Variants in NDRG2 observed in about 807,000 individuals in gnomAD.
NDRG2 encodes the protein protein NDRG2.
In NDRG2, 34 loss-of-function variants were observed where a neutral mutation model predicts 58.2. The ratio of observed to expected loss-of-function variants is 0.58; its 90% CI spans 0.44 to 0.78. The LOEUF is 0.78. Among genes scored for constraint, NDRG2 ranks in the 30% least tolerant of loss-of-function variants. The pLI is 0.00. For synonymous variants in NDRG2, 187 were observed against 175.9 expected (o/e 1.06, Z -0.50); for missense variants, 434 against 471.2 (o/e 0.92, Z 0.73).
chr14:21,060,980 G>T (rs1414762715), intron 1 of NDRG2, among the ~76,000 whole-genome samples: 1 of 152,188 alleles, frequency 6.6e-6, no homozygotes, highest in East Asian at 1.9e-4. Context: ...GCCTTGGAGG[G>T]GGCCGTGATT....
rs1243445 is a variant in NDRG2 at position 21,017,978 on chromosome 14, G to C, written c.949+9C>G. The C allele has an allele frequency of 0.98, 1,586,951 of 1,614,208 alleles. 780,128 individuals are homozygous for C. Among genetic ancestry groups the C allele is most frequent in the East Asian group, 1 (44,873 of 44,876 alleles). ...CTCTAGTGCAGCAAGCTCTTGTCCC[G>C]ATACTCACTGTAGCCCATGCCTTGC... On this transcript the variant is annotated intron_variant, in intron 15 of 15. Coordinates refer to ENST00000556147, the MANE Select transcript of NDRG2 (RefSeq NM_001320329.2).
At chr14:21,035,441 C>T (rs1461873766) in intron 1 of NDRG2, among the ~76,000 whole-genome samples, 1 of 152,200 alleles carries the variant, frequency 6.6e-6, no homozygotes, top group East Asian at 1.9e-4. Context: ...AACATCTTCC[C>T]TTTCATCAGA....
At chr14:21,018,927 G>A (rs890953738) in intron 11 of NDRG2, 113 bp from the exon 12 acceptor site, 29 of 1,400,954 alleles carry the variant, frequency 2.1e-5, no homozygotes, top group Non-Finnish European at 2.9e-5. Context: ...AGACACTTCT[G>A]TGTCTCCCTG....
intron 6 of NDRG2, chr14:21,021,407 C>T (rs572043960): frequency 2.7e-4 from 86 of 316,842 alleles, no homozygotes; most frequent in Non-Finnish European, 7.3e-5. Context: ...GTGTTCTCTT[C>T]CTTCCCCAAC....
chr14:21,020,615 C>T, intron 7 of NDRG2, 33 bp from the exon 8 acceptor site: 1 of 1,606,568 alleles, frequency 6.2e-7, no homozygotes, highest in Non-Finnish European at 8.5e-7. Context: ...AAATGAGAAA[C>T]AGGGCATGGC....
At chr14:21,061,478 G>A (rs1197118779) in intron 1 of NDRG2, among the ~76,000 whole-genome samples, 1 of 152,112 alleles carries the variant, frequency 6.6e-6, no homozygotes, top group African/African-American at 2.4e-5. Flanking sequence ...CACTCTGAGG[G>A]TAATGACACA....
At chr14:21,031,097 C>T (rs1349171151) in intron 1 of NDRG2, 1 of 1,614,130 alleles carries the variant, frequency 6.2e-7, no homozygotes, top group Admixed American at 1.7e-5. Context: ...AGGGAAGAGT[C>T]CAGATGAAGT....
At chr14:21,034,491 C>A (rs1884484166) in intron 1 of NDRG2, among the ~76,000 whole-genome samples, 1 of 152,194 alleles carries the variant, frequency 6.6e-6, no homozygotes, top group African/African-American at 2.4e-5. Flanking sequence ...CAGCCCTGCT[C>A]CCCTGGTCCA....
intron 1 of NDRG2, chr14:21,042,828 C>A (rs1480019413): frequency 1.3e-5 from 8 of 628,150 alleles, no homozygotes; most frequent in African/African-American, 9.2e-5. Context: ...TGTGGACACA[C>A]AGAAGAAGAG....
intron 1 of NDRG2, chr14:21,043,211 C>G: frequency 1.2e-6 from 2 of 1,614,182 alleles, no homozygotes; most frequent in Non-Finnish European, 8.5e-7. Flanking sequence ...CCTTCCTGCA[C>G]GAGCCTTTCT....
At chr14:21,059,406 G>A (rs916095204) in intron 1 of NDRG2, among the ~76,000 whole-genome samples, 3 of 151,850 alleles carry the variant, frequency 2.0e-5, no homozygotes, top group Non-Finnish European at 2.9e-5. Context: ...GAAAATACAA[G>A]CTCAATTGTT....
In NDRG2 at chr14:21,070,096, G is replaced by C. The variant is rs1886565227; in HGVS notation, c.24+732C>G. Among the ~76,000 whole-genome samples, 1 of 151,950 alleles carries C rather than the reference G, an allele frequency of 6.6e-6. No homozygotes were observed. Among genetic ancestry groups the C allele is most frequent in the Non-Finnish European group, 1.5e-5 (1 of 67,942 alleles). ...GAAGAAAGAAGGTTGCCGGTGAACG[G>C]GACGGATAGGCTGGGGACGCCCGGG... On this transcript the variant is annotated intron_variant, in intron 1 of 14. Coordinates refer to the NDRG2 transcript ENST00000403829. This position sits in a 1 kb window ranked among gnomAD's most constrained non-coding sequence, Gnocchi z 4.7.
chr14:21,050,594 A>C (rs1443590412), intron 1 of NDRG2, among the ~76,000 whole-genome samples: 1 of 152,180 alleles, frequency 6.6e-6, no homozygotes, highest in African/African-American at 2.4e-5. Context: ...GAACTAAAAC[A>C]CCTAAAGTAG....
chr14:21,058,832 A>C (rs986604245), intron 1 of NDRG2, among the ~76,000 whole-genome samples: 7 of 152,230 alleles, frequency 4.6e-5, no homozygotes, highest in African/African-American at 1.7e-4. Context: ...ATCTTGCTGT[A>C]ATAAAGACTC....
At chr14:21,044,170 G>A (rs1371852124) in intron 1 of NDRG2, 5 of 167,100 alleles carry the variant, frequency 3.0e-5, no homozygotes, top group Admixed American at 2.0e-4. Flanking sequence ...ATGAAGAAAC[G>A]AGTGCTCTGA....
intron 1 of NDRG2, among the ~76,000 whole-genome samples, chr14:21,069,540 C>T (rs1324263212): frequency 1.3e-5 from 2 of 152,248 alleles, no homozygotes; most frequent in Non-Finnish European, 2.9e-5. Flanking sequence ...CACGCCCCTA[C>T]ATAAGCATCC....
Position 21,017,278 on chromosome 14 carries a change from A to T in NDRG2, c.*318T>A. On this transcript the variant is annotated 3_prime_UTR_variant, in exon 16 of 16. Coordinates refer to ENST00000556147, the MANE Select transcript of NDRG2 (RefSeq NM_001320329.2). Reference sequence around the variant, plus strand: ...TGGAGGCACCAGGACAACTACAACAACCTCTTACCCCTCAGCTATAGACAC... The same window carrying T: ...TGGAGGCACCAGGACAACTACAACATCCTCTTACCCCTCAGCTATAGACAC... 1 of 416,220 alleles carries T rather than the reference A, an allele frequency of 2.4e-6. No homozygotes were observed. Among genetic ancestry groups the T allele is most frequent in the Non-Finnish European group, 4.5e-6 (1 of 219,902 alleles). The allele number at this position is 416,220 out of a possible 1,614,324, so 25.8% of individuals were successfully genotyped here.
chr14:21,018,469 G>A lies in NDRG2; in HGVS notation c.849C>T (p.Thr283=), dbSNP rs1878164831. 6.2e-7 allele frequency: 1 copy of A among 1,614,058 alleles called. No homozygotes were observed. The highest frequency in any genetic ancestry group is 8.5e-7 in the Non-Finnish European group (1 of 1,179,982). ...ECNSKLDPTQ[T]SFLKMADSGG... is the part of the protein sequence containing the mutation. Reference sequence around the variant, plus strand: ...ACAGGTTACTGACCTTGAGGAACGAGGTCTGGGTGGGGTCCAGTTTTGAGT... The same window carrying A: ...ACAGGTTACTGACCTTGAGGAACGAAGTCTGGGTGGGGTCCAGTTTTGAGT... Residue 283 remains threonine, a synonymous_variant, in exon 13 of 16, where the codon ACC becomes ACT. Transcript: ENST00000556147.
At chr14:21,059,209 G>A (rs2139153140) in intron 1 of NDRG2, among the ~76,000 whole-genome samples, 1 of 152,324 alleles carries the variant, frequency 6.6e-6, no homozygotes, top group Non-Finnish European at 1.5e-5. Context: ...CAGCGTTCTG[G>A]AGTGAACTTC....
Sources: allele counts gnomAD v4.1 joint callset (sites outside exome capture counted in the v4.1 genomes callset), GRCh38; gene constraint gnomAD v4.1.1; non-coding constraint Gnocchi (gnomAD v3.1); transcripts MANE v1.5; gene names NCBI Gene and HGNC (gene_info 2026-07-23, HGNC 2026-07-21).